TGFBR3: variants seen among roughly 807,000 people sequenced by gnomAD.
TGFBR3 encodes transforming growth factor beta receptor 3.
TGFBR3 carries 46 observed loss-of-function variants against 87.9 expected under a neutral mutation model. The observed-to-expected ratio is 0.52, with a 90% confidence interval of 0.41 to 0.67. The LOEUF (loss-of-function observed/expected upper bound fraction) is 0.67, where lower values mean the gene tolerates loss of function less well. TGFBR3 is among the 30% of genes least tolerant of loss of function. The pLI is 0.00. For synonymous variants in TGFBR3, 381 were observed against 391.6 expected, an observed-to-expected ratio of 0.97 and a Z score of 0.32; for missense variants, 866 against 1,041.9, an observed-to-expected ratio of 0.83 and a Z score of 2.32.
chr1:91,901,254 A>G (rs1679713515), intron 1 of TGFBR3, among the ~76,000 whole-genome samples: 1 of 152,254 alleles, frequency 6.6e-6, no homozygotes, highest in Non-Finnish European at 1.5e-5. Flanking sequence ...TGAAAAATAT[A>G]TAACAACTCT....
chr1:91,718,047 G>C (rs934925271), intron 10 of TGFBR3, among the ~76,000 whole-genome samples: 3 of 152,056 alleles, frequency 2.0e-5, no homozygotes, highest in African/African-American at 7.2e-5. Context: ...TTATCAGGAG[G>C]TCAAAGGTTA....
In TGFBR3 at chr1:91,708,682, G is replaced by A. The variant is rs1671882081; in HGVS notation, c.2268C>T (p.His756=). ...KTFTKPLAVI[H]HEAESKEKGP... ...GCACACCTTTAGATTCTGCTTCATG[G>A]TGGATCACAGCAAGGGGCTTAGTGA... The change falls in exon 14 of 17, where the codon CAC becomes CAT. Residue 756 remains histidine, a synonymous_variant. Transcript: ENST00000212355. 3 of 1,613,956 alleles carry A rather than the reference G, an allele frequency of 1.9e-6. No individual in the cohort carries two copies. Among genetic ancestry groups the A allele is most frequent in the Admixed American group, 1.7e-5 (1 of 60,010 alleles).
intron 16 of TGFBR3, among the ~76,000 whole-genome samples, chr1:91,693,491 T>C (rs1233746992): frequency 6.6e-6 from 1 of 152,254 alleles, no homozygotes; most frequent in Non-Finnish European, 1.5e-5. Context: ...TGAGGATGAA[T>C]ACATGCCATA....
chr1:91,855,222 A>C (rs1334397726), intron 2 of TGFBR3, among the ~76,000 whole-genome samples: 1 of 152,274 alleles, frequency 6.6e-6, no homozygotes. Flanking sequence ...CACAGTTTGC[A>C]GGCGAGTTTC....
intron 15 of TGFBR3, among the ~76,000 whole-genome samples, chr1:91,697,270 T>C (rs191989781): frequency 6.6e-6 from 1 of 152,210 alleles, no homozygotes; most frequent in Admixed American, 6.5e-5. Context: ...TGTTCCATAA[T>C]TTAAAAAAAA....
intron 3 of TGFBR3, among the ~76,000 whole-genome samples, chr1:91,789,427 G>A (rs555543364): frequency 6.6e-6 from 1 of 152,294 alleles, no homozygotes; most frequent in African/African-American, 2.4e-5. Flanking sequence ...TAAAAAGGCC[G>A]AGTCCAACCA....
In TGFBR3 at chr1:91,712,702, C is replaced by T. The variant is rs1750641; in HGVS notation, c.1867-160G>A. 0.24 allele frequency among the ~76,000 whole-genome samples: 36,199 copies of T among 151,976 alleles called. 5,041 individuals are homozygous for T. Among genetic ancestry groups the T allele is most frequent in the East Asian group, 0.64 (3,290 of 5,138 alleles). On this transcript the variant is annotated intron_variant, in intron 12 of 16. Transcript: ENST00000212355. ...TCTAATTACAAAAGTAACACACACA[C>T]ATTGAAAGAAAAAGATATTTTCCAC... is the stretch of plus-strand genomic sequence containing the variant.
At chr1:91,831,270 C>G (rs1352794119) in intron 2 of TGFBR3, among the ~76,000 whole-genome samples, 1 of 151,966 alleles carries the variant, frequency 6.6e-6, no homozygotes, top group Non-Finnish European at 1.5e-5. Flanking sequence ...TTCGCTCTTG[C>G]AAAACCAAGT....
chr1:91,694,568 T>C (rs559958398), intron 16 of TGFBR3, among the ~76,000 whole-genome samples: 1 of 152,340 alleles, frequency 6.6e-6, no homozygotes, highest in South Asian at 2.1e-4. Flanking sequence ...CAGCTTGACG[T>C]TTTGTCTAGC....
At chr1:91,886,183 C>T (rs1015574059), upstream of TGFBR3, 11 of 453,524 alleles carry the variant, frequency 2.4e-5, no homozygotes, top group Non-Finnish European at 4.4e-5. Context: ...CGCACTCGCC[C>T]TCCCTCGCAC....
intron 1 of TGFBR3, among the ~76,000 whole-genome samples, chr1:91,869,721 A>G (rs1004894217): frequency 1.3e-5 from 2 of 152,356 alleles, no homozygotes; most frequent in East Asian, 1.9e-4. Flanking sequence ...ACATTTCTCA[A>G]TAACAAGAGT....
chr1:91,882,672 G>A lies in TGFBR3; in HGVS notation c.-114+3206C>T, dbSNP rs140808555. Among the ~76,000 whole-genome samples, 580 of 152,216 alleles carry A rather than the reference G, an allele frequency of 3.8e-3. 2 individuals carry two copies. Among genetic ancestry groups the A allele is most frequent in the African/African-American group, 0.013 (532 of 41,558 alleles). Reference sequence around the variant, plus strand: ...AGGCAGGAGAATGGCGTGAACCTGGGAGGTGGAGCTTGCAGTGAGCTGAGA... The same window carrying A: ...AGGCAGGAGAATGGCGTGAACCTGGAAGGTGGAGCTTGCAGTGAGCTGAGA... On this transcript the variant is annotated intron_variant, in intron 1 of 16. Transcript: ENST00000212355.
chr1:91,719,401 C>T lies in TGFBR3; in HGVS notation c.1477G>A (p.Gly493Ser), dbSNP rs1292639762. Residue 493 changes from glycine (G) to serine (S), a missense_variant, in exon 10 of 17, where the codon GGC becomes AGC. Transcript: ENST00000212355. ...GGAGACTCCAAAACAAAGTGTGTGC[C>T]ATTCATCTTGGCCTTGCAGGTAGGA... ...LDPTCKAKMNGTHFVLESPLN... is the reference protein window; with the variant it reads ...LDPTCKAKMNSTHFVLESPLN... 13 of 1,614,036 alleles carry T rather than the reference C, an allele frequency of 8.1e-6. No homozygotes were observed. The highest frequency in any genetic ancestry group is 1.1e-5 in the Non-Finnish European group (13 of 1,180,030).
chr1:91,764,089 C>G (rs369416734), intron 3 of TGFBR3, among the ~76,000 whole-genome samples: 1 of 151,904 alleles, frequency 6.6e-6, no homozygotes, highest in Non-Finnish European at 1.5e-5. Context: ...ACATTCCCCC[C>G]CACACACACC....
intron 3 of TGFBR3, among the ~76,000 whole-genome samples, chr1:91,763,379 C>G (rs1674044851): frequency 6.6e-6 from 1 of 152,186 alleles, no homozygotes; most frequent in African/African-American, 2.4e-5. Context: ...TTAGAACAGC[C>G]CCTGTGGGCT....
chr1:91,765,417 A>G (rs1046185808), intron 3 of TGFBR3, among the ~76,000 whole-genome samples: 2 of 152,044 alleles, frequency 1.3e-5, no homozygotes, highest in Admixed American at 6.6e-5. Context: ...GTTGGGGTGT[A>G]TATAGTAAAC....
At position 91,780,551 on chromosome 1, in the gene TGFBR3, C is replaced by CTTTTTTTTTT. The variant is rs60294904; in HGVS notation, c.246+16726_246+16735dup. On this transcript the variant is annotated intron_variant, in intron 3 of 16. Transcript: ENST00000212355. ...TACTAGTTCCCGCAAGGGTCTAAGG[C>CTTTTTTTTTT]TTTTTTTTTTTTTTTTTTTTTTTCT... 4.5e-4 allele frequency among the ~76,000 whole-genome samples: 35 copies of CTTTTTTTTTT among 77,164 alleles called. 3 individuals are homozygous for CTTTTTTTTTT. Among genetic ancestry groups the CTTTTTTTTTT allele is most frequent in the Non-Finnish European group, 6.0e-4 (26 of 43,442 alleles). 50.6% of individuals were successfully genotyped at this position (77,164 alleles called of 152,430 possible).
intron 2 of TGFBR3, among the ~76,000 whole-genome samples, chr1:91,851,531 C>A (rs1163806771): frequency 1.3e-5 from 2 of 152,180 alleles, no homozygotes; most frequent in Non-Finnish European, 1.5e-5. Flanking sequence ...CCAAAATCAG[C>A]GTGCTCAGAG....
At chr1:91,855,970 C>T (rs1269183145) in intron 2 of TGFBR3, among the ~76,000 whole-genome samples, 1 of 151,484 alleles carries the variant, frequency 6.6e-6, no homozygotes, top group Non-Finnish European at 1.5e-5. Flanking sequence ...CATTATGGTC[C>T]TTACACAGCT....
Sources: gnomAD v4.1 joint callset for allele counts (sites outside exome capture counted in the v4.1 genomes callset) on GRCh38, gnomAD v4.1.1 for gene constraint, MANE v1.5 for transcripts, NCBI Gene and HGNC (gene_info 2026-07-23, HGNC 2026-07-21) for gene names.